NCALD: variants seen among roughly 807,000 people sequenced by gnomAD.
NCALD encodes neurocalcin-delta.
Under a neutral mutation model 18.6 loss-of-function variants are expected in NCALD, and 10 were observed. The observed-to-expected ratio is 0.54, with a 90% CI of 0.33 to 0.91. NCALD has a LOEUF of 0.91. NCALD is among the 40% of genes least tolerant of loss of function. NCALD has a pLI of 0.03. For synonymous variants in NCALD, 88 were observed against 87.4 expected (o/e 1.01, Z -0.04); for missense variants, 184 against 247.6 (o/e 0.74, Z 1.72).
intron 2 of NCALD, among the ~76,000 whole-genome samples, chr8:101,986,272 C>T (rs955742824): frequency 2.6e-5 from 4 of 152,176 alleles, no homozygotes; most frequent in African/African-American, 9.7e-5. Context: ...CTCAGGTAAT[C>T]TGCCTGCCTC....
At chr8:101,846,437 T>C (rs1444614768) in intron 4 of NCALD, among the ~76,000 whole-genome samples, 1 of 152,244 alleles carries the variant, frequency 6.6e-6, no homozygotes, top group Non-Finnish European at 1.5e-5. Context: ...GGAAGGAGCC[T>C]CTGGCATTTG....
At chr8:101,957,947 G>A (rs1227279053) in intron 2 of NCALD, among the ~76,000 whole-genome samples, 7 of 152,184 alleles carry the variant, frequency 4.6e-5, no homozygotes, top group Admixed American at 4.6e-4. Flanking sequence ...ACCATAAAAA[G>A]ATGTGCACTT....
At chr8:101,800,614 CTT>C (rs1441281153) in intron 4 of NCALD, among the ~76,000 whole-genome samples, 1 of 151,652 alleles carries the variant, frequency 6.6e-6, no homozygotes, top group Non-Finnish European at 1.5e-5. Context: ...TATTCTAACT[CTT>C]TGCTGTATGC....
intron 2 of NCALD, among the ~76,000 whole-genome samples, chr8:101,957,996 G>A (rs1045344075): frequency 1.3e-5 from 2 of 152,026 alleles, no homozygotes; most frequent in Admixed American, 6.6e-5. Flanking sequence ...CCTCAGCATC[G>A]CCCATACTAT....
At chr8:102,082,224 CTCTTTTTTTTT>C (rs1248720260) in intron 1 of NCALD, among the ~76,000 whole-genome samples, 1 of 109,406 alleles carries the variant, frequency 9.1e-6, no homozygotes, top group African/African-American at 3.8e-5. Flanking sequence ...GAGAAGCTCT[CTCTTTTTTTTT>C]TTTTTTTTTT....
At chr8:101,821,777 G>A (rs759112447) in intron 4 of NCALD, among the ~76,000 whole-genome samples, 6 of 148,368 alleles carry the variant, frequency 4.0e-5, no homozygotes, top group Non-Finnish European at 5.9e-5. Flanking sequence ...TGGAGTATAC[G>A]TTGTTTCTTT....
At chr8:101,719,199 A>G in intron 2 of NCALD, 53 bp downstream of exon 2, 1 of 1,574,720 alleles carries the variant, frequency 6.4e-7, no homozygotes, top group Non-Finnish European at 8.6e-7. Context: ...GCACCTTCCA[A>G]TTCTTACTTG....
chr8:101,706,922 A>G (rs13270960), intron 2 of NCALD, among the ~76,000 whole-genome samples: 72,691 of 152,162 alleles, frequency 0.48, 19,986 homozygotes, highest in Non-Finnish European at 0.63. Context: ...CAAAACATCC[A>G]ATAAGCAAGC....
intron 2 of NCALD, among the ~76,000 whole-genome samples, chr8:101,996,615 G>A (rs762514197): frequency 6.6e-6 from 1 of 152,230 alleles, no homozygotes; most frequent in Non-Finnish European, 1.5e-5. Flanking sequence ...GTGGCAAGAG[G>A]AGGCAGACTT....
chr8:101,764,819 A>G (rs1811277494), intron 1 of NCALD, among the ~76,000 whole-genome samples: 2 of 152,192 alleles, frequency 1.3e-5, no homozygotes, highest in South Asian at 4.1e-4. Flanking sequence ...GCAGGGAAAC[A>G]GATGCTGAAA....
intron 2 of NCALD, among the ~76,000 whole-genome samples, chr8:101,948,362 C>T (rs1271349864): frequency 6.6e-6 from 1 of 152,186 alleles, no homozygotes; most frequent in East Asian, 1.9e-4. Context: ...TTCCTACCTA[C>T]CTCGGTGAAG....
rs528655804 is a variant in NCALD, at chr8:101,921,308, G to C, written c.-156-5450C>G. ...TATTATTGAATTCTTAAATATCAAA[G>C]TATCACTTTTATTAGGAATAAAATA... On this transcript the variant is annotated intron_variant, in intron 2 of 6. Transcript: ENST00000311028. Among the ~76,000 whole-genome samples, 9 of 150,446 alleles carry C rather than the reference G, an allele frequency of 6.0e-5. No homozygotes were observed. In the East Asian group the frequency reaches 1.7e-3, roughly 29 times the overall value.
chr8:101,865,856 T>C (rs1478849894), intron 4 of NCALD, among the ~76,000 whole-genome samples: 1 of 152,188 alleles, frequency 6.6e-6, no homozygotes, highest in Non-Finnish European at 1.5e-5. Context: ...CCTAAAATAC[T>C]TTTTTAGGAG....
intron 1 of NCALD, among the ~76,000 whole-genome samples, chr8:102,072,360 G>A (rs1289065841): frequency 6.6e-6 from 1 of 152,130 alleles, no homozygotes; most frequent in African/African-American, 2.4e-5. Context: ...CCTTAAAAGA[G>A]GGGAAAGATT....
At chr8:102,087,693 G>T (rs957506142) in intron 1 of NCALD, among the ~76,000 whole-genome samples, 1 of 152,138 alleles carries the variant, frequency 6.6e-6, no homozygotes, top group Non-Finnish European at 1.5e-5. Context: ...CTTTGCTGAC[G>T]GCTATGGGTG....
At chr8:102,076,187 C>T (rs1021618349) in intron 1 of NCALD, among the ~76,000 whole-genome samples, 8 of 151,944 alleles carry the variant, frequency 5.3e-5, no homozygotes, top group South Asian at 4.2e-4. Flanking sequence ...AAACATGAAA[C>T]GTGTTTATTA....
chr8:101,789,935 T>A (rs563771853), intron 1 of NCALD, among the ~76,000 whole-genome samples: 29 of 152,330 alleles, frequency 1.9e-4, no homozygotes, highest in Non-Finnish European at 1.3e-4. Flanking sequence ...AATAAAGAGA[T>A]AAAAATTCTT....
At chr8:101,917,221 T>C (rs1175367244) in intron 2 of NCALD, among the ~76,000 whole-genome samples, 1 of 152,078 alleles carries the variant, frequency 6.6e-6, no homozygotes, top group Non-Finnish European at 1.5e-5. Flanking sequence ...ACATGAAAAT[T>C]TAACAACTTG....
intron 1 of NCALD, among the ~76,000 whole-genome samples, chr8:102,026,776 A>C (rs1016935588): frequency 6.6e-6 from 1 of 152,328 alleles, no homozygotes; most frequent in Middle Eastern, 3.4e-3. Context: ...CACTGCCCTA[A>C]CAAAGGTTCT....
Sources: allele counts gnomAD v4.1 joint callset (sites outside exome capture counted in the v4.1 genomes callset), GRCh38; gene constraint gnomAD v4.1.1; transcripts MANE v1.5; gene names NCBI Gene and HGNC (gene_info 2026-07-23, HGNC 2026-07-21).